NKAIN2: variants seen among roughly 807,000 people sequenced by gnomAD.
NKAIN2 encodes the protein sodium/potassium transporting ATPase interacting 2.
NKAIN2 carries 14 observed loss-of-function variants against 32.6 expected under a neutral mutation model. The observed-to-expected ratio is 0.43, with a 90% CI of 0.28 to 0.67. The LOEUF (loss-of-function observed/expected upper bound fraction) is 0.67, where lower values mean the gene tolerates loss of function less well. Ranked by LOEUF, NKAIN2 falls within the 30% of genes least tolerant of loss-of-function variation. The probability of loss-of-function intolerance (pLI) is 0.17; values close to 1 mark genes in which losing one functional copy is unlikely to be tolerated. For missense variants in NKAIN2, 198 were observed against 258.3 expected, an observed-to-expected ratio of 0.77 and a Z score of 1.60; for synonymous variants, 80 against 87.2, an observed-to-expected ratio of 0.92 and a Z score of 0.46.
At chr6:124,030,281 C>G (rs189057632) in intron 1 of NKAIN2, among the ~76,000 whole-genome samples, 1 of 152,214 alleles carries the variant, frequency 6.6e-6, no homozygotes, top group East Asian at 1.9e-4. Context: ...CATCCCAAAA[C>G]CATCCTCACA....
chr6:124,110,321 T>C (rs546318467), intron 1 of NKAIN2, among the ~76,000 whole-genome samples: 18 of 152,162 alleles, frequency 1.2e-4, no homozygotes, highest in Admixed American at 1.2e-3. Context: ...TTTGACAAAA[T>C]TCAGCATATA....
At chr6:124,417,975 C>A (rs9491172) in intron 3 of NKAIN2, among the ~76,000 whole-genome samples, 2,291 of 152,240 alleles carry the variant, frequency 0.015, 61 homozygotes, top group African/African-American at 0.052. Context: ...TTCTTCCATT[C>A]CCCATTCTTA....
chr6:124,354,978 G>A (rs752473297), intron 2 of NKAIN2, among the ~76,000 whole-genome samples: 5 of 151,198 alleles, frequency 3.3e-5, no homozygotes, highest in Non-Finnish European at 7.4e-5. Context: ...GCTGAGGGTG[G>A]AGAATCACTT....
intron 3 of NKAIN2, among the ~76,000 whole-genome samples, chr6:124,455,217 T>C (rs1234079634): frequency 3.9e-5 from 6 of 152,126 alleles, no homozygotes; most frequent in Non-Finnish European, 5.9e-5. Context: ...TGAGTATGCA[T>C]GTCCTTATTG....
chr6:124,358,032 T>G (rs1799074376), intron 3 of NKAIN2, among the ~76,000 whole-genome samples: 2 of 152,172 alleles, frequency 1.3e-5, no homozygotes, highest in Non-Finnish European at 2.9e-5. Context: ...GGTGTTTGGT[T>G]TTTTGTCCTT....
At position 124,192,748 on chromosome 6, in the gene NKAIN2, T is replaced by G. The variant is rs1001021500; in HGVS notation, c.55-90257T>G. Reference sequence around the variant, plus strand: ...CTCTCCTTAGTTCCATCCGTTTTTTTTTTTTTTTTTTTTTTTTTTGAGACA... The same window carrying G: ...CTCTCCTTAGTTCCATCCGTTTTTTGTTTTTTTTTTTTTTTTTTTGAGACA... On this transcript the variant is annotated intron_variant, in intron 1 of 6. Transcript: ENST00000368417. 3.6e-4 allele frequency among the ~76,000 whole-genome samples: 48 copies of G among 133,910 alleles called. No individual in the cohort carries two copies. In the East Asian group the frequency reaches 6.1e-3, roughly 17 times the overall value. The allele number at this position is 133,910 out of a possible 152,430, so 87.9% of individuals were successfully genotyped here.
At chr6:124,215,558 G>A (rs1791425199) in intron 1 of NKAIN2, among the ~76,000 whole-genome samples, 1 of 152,086 alleles carries the variant, frequency 6.6e-6, no homozygotes, top group African/African-American at 2.4e-5. Context: ...AATGTGACTG[G>A]AATAGCATTT....
intron 1 of NKAIN2, among the ~76,000 whole-genome samples, chr6:124,272,538 G>A (rs138224014): frequency 2.2e-3 from 339 of 152,322 alleles, no homozygotes; most frequent in African/African-American, 7.7e-3. Context: ...GTGCTGCAGA[G>A]ATGGAGCCAT....
chr6:124,442,036 T>C (rs964443222), intron 3 of NKAIN2, among the ~76,000 whole-genome samples: 1 of 152,072 alleles, frequency 6.6e-6, no homozygotes, highest in African/African-American at 2.4e-5. Context: ...CAGGTGCTTC[T>C]TGTGCATGTT....
chr6:124,190,795 A>G (rs1789978895), intron 1 of NKAIN2, among the ~76,000 whole-genome samples: 1 of 151,540 alleles, frequency 6.6e-6, no homozygotes, highest in South Asian at 2.1e-4. Context: ...TACCATGCCA[A>G]CTCCACCCCA....
chr6:124,660,857 T>C (rs1784720950), intron 4 of NKAIN2, among the ~76,000 whole-genome samples: 1 of 152,210 alleles, frequency 6.6e-6, no homozygotes, highest in African/African-American at 2.4e-5. Flanking sequence ...AGTTTTATAA[T>C]GCAAATCAAA....
intron 3 of NKAIN2, among the ~76,000 whole-genome samples, chr6:124,364,688 A>G (rs1010165076): frequency 2.9e-4 from 44 of 152,154 alleles, no homozygotes; most frequent in African/African-American, 1.0e-3. Flanking sequence ...AACAACACGT[A>G]AGATAAATAA....
intron 1 of NKAIN2, among the ~76,000 whole-genome samples, chr6:124,138,528 C>T (rs1786951225): frequency 6.6e-6 from 1 of 151,240 alleles, no homozygotes; most frequent in African/African-American, 2.4e-5. Context: ...ATGAAAAAGA[C>T]ATTTGCATGT....
chr6:124,449,513 G>A (rs1197135399), intron 3 of NKAIN2, among the ~76,000 whole-genome samples: 1 of 152,066 alleles, frequency 6.6e-6, no homozygotes, highest in Non-Finnish European at 1.5e-5. Flanking sequence ...AAGGTCAACA[G>A]GCTATCTTTT....
intron 4 of NKAIN2, among the ~76,000 whole-genome samples, chr6:124,660,678 T>C (rs974099827): frequency 6.6e-6 from 1 of 152,102 alleles, no homozygotes; most frequent in African/African-American, 2.4e-5. Context: ...TTTCCAGGGG[T>C]GTACTACTTT....
At chr6:123,846,032 T>G (rs1321074272) in intron 1 of NKAIN2, among the ~76,000 whole-genome samples, 4 of 152,224 alleles carry the variant, frequency 2.6e-5, no homozygotes, top group Admixed American at 2.6e-4. Flanking sequence ...CATTCTAATT[T>G]TATAACTATG....
At chr6:124,726,130 GA>G (rs1776289684) in intron 4 of NKAIN2, among the ~76,000 whole-genome samples, 1 of 152,214 alleles carries the variant, frequency 6.6e-6, no homozygotes, top group African/African-American at 2.4e-5. Flanking sequence ...GAGCCTGGGG[GA>G]GGGGCGCCCA....
chr6:124,712,162 G>T (rs1182934219), intron 4 of NKAIN2, among the ~76,000 whole-genome samples: 1 of 151,270 alleles, frequency 6.6e-6, no homozygotes, highest in Non-Finnish European at 1.5e-5. Context: ...ACTTGAGGAG[G>T]CAGTCTGCCC....
chr6:124,008,025 G>C (rs756489066), intron 1 of NKAIN2, among the ~76,000 whole-genome samples: 7 of 152,174 alleles, frequency 4.6e-5, no homozygotes, highest in African/African-American at 1.7e-4. Context: ...GCATGGGACC[G>C]TGTCCTGTTT....
Sources: allele counts gnomAD v4.1 joint callset (sites outside exome capture counted in the v4.1 genomes callset), GRCh38; gene constraint gnomAD v4.1.1; transcripts MANE v1.5; gene names NCBI Gene and HGNC (gene_info 2026-07-23, HGNC 2026-07-21).